The following CSMD3 variants were observed in gnomAD, a reference collection of about 807,000 sequenced individuals.
The protein encoded by CSMD3 is CUB and sushi domain-containing protein 3.
A neutral mutation model predicts 435.2 loss-of-function variants in CSMD3; 177 were observed. The ratio of observed to expected loss-of-function variants is 0.41; its 90% CI spans 0.36 to 0.46. The LOEUF is 0.46. Among genes scored for constraint, CSMD3 ranks in the 20% least tolerant of loss-of-function variants. CSMD3 has a pLI of 0.34. For missense variants in CSMD3, 4,265 were observed against 4,504.6 expected (o/e 0.95, Z 1.52); for synonymous variants, 1,656 against 1,520.5 (o/e 1.09, Z -2.07).
At chr8:112,664,852 C>G (rs1225227380) in intron 17 of CSMD3, among the ~76,000 whole-genome samples, 1 of 152,154 alleles carries the variant, frequency 6.6e-6, no homozygotes, top group Non-Finnish European at 1.5e-5. Flanking sequence ...TCTTGAACTT[C>G]TAGCCTCCAG....
chr8:112,553,502 T>G (rs931356097), intron 25 of CSMD3, among the ~76,000 whole-genome samples: 2 of 152,042 alleles, frequency 1.3e-5, no homozygotes, highest in Non-Finnish European at 2.9e-5. Flanking sequence ...CTCTACGTCT[T>G]TAAACCCTAG....
intron 4 of CSMD3, among the ~76,000 whole-genome samples, chr8:113,130,359 T>C (rs1427841772): frequency 6.6e-6 from 1 of 152,014 alleles, no homozygotes; most frequent in Non-Finnish European, 1.5e-5. Context: ...GGGGAGGAAT[T>C]TCCTCCTTGC....
chr8:112,559,761 T>G (rs980427835), intron 24 of CSMD3, among the ~76,000 whole-genome samples: 1 of 151,886 alleles, frequency 6.6e-6, no homozygotes, highest in Non-Finnish European at 1.5e-5. Context: ...CGTAGCTATA[T>G]AGTTTCTTCT....
At chr8:112,816,926 A>G (rs1220072699) in intron 12 of CSMD3, among the ~76,000 whole-genome samples, 1 of 151,986 alleles carries the variant, frequency 6.6e-6, no homozygotes, top group Non-Finnish European at 1.5e-5. Flanking sequence ...CTAAACTAAC[A>G]TATTTCTGAG....
intron 61 of CSMD3, 36 bp downstream of exon 61, chr8:112,263,603 T>C (rs1816645418): frequency 1.9e-6 from 3 of 1,596,990 alleles, no homozygotes; most frequent in Non-Finnish European, 2.6e-6. Context: ...AATTTGAAAA[T>C]TTTAAGTAAC....
At chr8:113,366,415 A>C (rs2094311745) in intron 1 of CSMD3, among the ~76,000 whole-genome samples, 1 of 152,046 alleles carries the variant, frequency 6.6e-6, no homozygotes, top group Non-Finnish European at 1.5e-5. Flanking sequence ...AATACCAGAA[A>C]TATCATGAGG....
At chr8:113,342,052 A>G (rs374903260) in intron 1 of CSMD3, among the ~76,000 whole-genome samples, 27 of 152,268 alleles carry the variant, frequency 1.8e-4, no homozygotes, top group Middle Eastern at 3.4e-3. Context: ...AATAGCCAAA[A>G]TATTACCAGT....
intron 3 of CSMD3, among the ~76,000 whole-genome samples, chr8:113,249,901 G>T (rs2132292495): frequency 6.6e-6 from 1 of 152,096 alleles, no homozygotes; most frequent in East Asian, 1.9e-4. Context: ...ACCAACTGGG[G>T]AACAGTTCTA....
chr8:113,324,931 T>G (rs186461383), intron 1 of CSMD3, among the ~76,000 whole-genome samples: 102 of 152,336 alleles, frequency 6.7e-4, no homozygotes, highest in African/African-American at 2.4e-3. Context: ...GAGATCATTT[T>G]GGAACTTTAA....
intron 4 of CSMD3, among the ~76,000 whole-genome samples, chr8:113,160,544 A>G (rs561121434): frequency 4.5e-4 from 68 of 152,166 alleles, no homozygotes; most frequent in African/African-American, 1.5e-3. Flanking sequence ...TAAACTAGAA[A>G]GAATTCTAAC....
chr8:112,630,942 TCACA>T (rs5894090), intron 22 of CSMD3, among the ~76,000 whole-genome samples: 7,975 of 140,386 alleles, frequency 0.057, 232 homozygotes, highest in African/African-American at 0.092. Context: ...ACATCAGTAT[TCACA>T]CACACACACA....
intron 2 of CSMD3, 132 bp downstream of exon 2, chr8:113,314,439 A>C (rs2093894198): frequency 6.0e-6 from 4 of 670,620 alleles, no homozygotes; most frequent in African/African-American, 1.8e-5. Context: ...TATATTTTCA[A>C]ATAAATAATA....
chr8:113,171,193 G>T (rs796305589), intron 4 of CSMD3, among the ~76,000 whole-genome samples: 4 of 152,066 alleles, frequency 2.6e-5, no homozygotes, highest in African/African-American at 9.6e-5. Context: ...GTATGTAACT[G>T]ATGTTTTATG....
intron 45 of CSMD3, among the ~76,000 whole-genome samples, chr8:112,324,159 C>T (rs1563790348): frequency 6.6e-6 from 1 of 152,004 alleles, no homozygotes. Flanking sequence ...CAGTCTCTCA[C>T]ACAAGATGTC....
At chr8:113,331,110 T>A (rs2094024272) in intron 1 of CSMD3, among the ~76,000 whole-genome samples, 1 of 151,636 alleles carries the variant, frequency 6.6e-6, no homozygotes, top group Non-Finnish European at 1.5e-5. Flanking sequence ...GTTACTAAAA[T>A]CAAGAATAAT....
intron 6 of CSMD3, among the ~76,000 whole-genome samples, chr8:112,978,600 C>G (rs896783079): frequency 6.6e-6 from 1 of 151,974 alleles, no homozygotes; most frequent in African/African-American, 2.4e-5. Flanking sequence ...AGATTCAGTA[C>G]TATTCCCTTA....
At chr8:112,315,029 C>T (rs866694633) in intron 47 of CSMD3, among the ~76,000 whole-genome samples, 23 of 151,878 alleles carry the variant, frequency 1.5e-4, no homozygotes, top group Middle Eastern at 6.8e-3. Flanking sequence ...AAACCTTCTA[C>T]TCACTCAGGT....
rs2130413185 is a variant in CSMD3, at chr8:112,265,499, C to T, written c.9600G>A (p.Gln3200=). Residue 3200 remains glutamine (Q), a synonymous_variant, in exon 60 of 71, where the codon CAG becomes CAA. Transcript: ENST00000297405. ...VVGQNVSYMC[Q]PGYTMELNGS... ...CATTCAATTCCATCGTGTAGCCTGGCTGGCACATGTAAGAAACATTTTGTC... is the reference window on the plus strand; with the variant it reads ...CATTCAATTCCATCGTGTAGCCTGGTTGGCACATGTAAGAAACATTTTGTC... 1 of 1,613,536 alleles carries T rather than the reference C, an allele frequency of 6.2e-7. No homozygotes were observed. The highest frequency in any genetic ancestry group is 8.5e-7 in the Non-Finnish European group (1 of 1,179,540).
At chr8:112,767,405 A>G (rs1395861630) in intron 13 of CSMD3, among the ~76,000 whole-genome samples, 2 of 151,802 alleles carry the variant, frequency 1.3e-5, no homozygotes, top group African/African-American at 4.8e-5. Context: ...CCGACAATTT[A>G]TTAGCAAGAA....
Sources: gnomAD v4.1 joint callset for allele counts (sites outside exome capture counted in the v4.1 genomes callset) on GRCh38, gnomAD v4.1.1 for gene constraint, MANE v1.5 for transcripts, NCBI Gene and HGNC (gene_info 2026-07-23, HGNC 2026-07-21) for gene names.